CDH12: variants seen among roughly 807,000 people sequenced by gnomAD.
CDH12 encodes the protein cadherin 12.
In CDH12, 41 loss-of-function variants were observed where a neutral mutation model predicts 74.1. The ratio of observed to expected loss-of-function variants is 0.55; its 90% CI spans 0.43 to 0.72. The LOEUF (loss-of-function observed/expected upper bound fraction) is 0.72, where lower values mean the gene tolerates loss of function less well. CDH12 is among the 30% of genes least tolerant of loss of function. The pLI is 0.00. For synonymous variants in CDH12, 399 were observed against 355.0 expected (o/e 1.12, Z -1.39); for missense variants, 945 against 977.2 (o/e 0.97, Z 0.44).
intron 3 of CDH12, among the ~76,000 whole-genome samples, chr5:22,355,900 G>C (rs1210048864): frequency 6.6e-6 from 1 of 152,106 alleles, no homozygotes; most frequent in Non-Finnish European, 1.5e-5. Context: ...ACATATAAAG[G>C]CACAGAAATA....
chr5:22,117,501 A>AAT (rs1200950858), intron 4 of CDH12, among the ~76,000 whole-genome samples: 18 of 70,854 alleles, frequency 2.5e-4, no homozygotes, highest in East Asian at 1.6e-3. Context: ...ATATATATAT[A>AAT]ATATATATAT....
intron 8 of CDH12, among the ~76,000 whole-genome samples, chr5:21,830,024 C>G (rs1004941646): frequency 6.6e-6 from 1 of 151,524 alleles, no homozygotes; most frequent in Admixed American, 6.6e-5. Context: ...CATGGTGAAA[C>G]CCCATCTCTA....
chr5:21,841,962 A>T (rs1749882994), intron 8 of CDH12, among the ~76,000 whole-genome samples, 199 bp downstream of exon 8: 1 of 151,748 alleles, frequency 6.6e-6, no homozygotes, highest in African/African-American at 2.4e-5. Context: ...TACATATGTA[A>T]CTAACCTGCA....
intron 5 of CDH12, among the ~76,000 whole-genome samples, chr5:22,028,328 T>C (rs1351893639): frequency 6.6e-6 from 1 of 152,166 alleles, no homozygotes; most frequent in African/African-American, 2.4e-5. Flanking sequence ...ATTGTCCCTG[T>C]TTGCAGATGA....
chr5:22,349,368 T>A (rs1231204139), intron 3 of CDH12, among the ~76,000 whole-genome samples: 1 of 152,212 alleles, frequency 6.6e-6, no homozygotes, highest in Non-Finnish European at 1.5e-5. Context: ...AGATTATACC[T>A]AAATTTTTAT....
At chr5:21,902,480 C>T (rs2150055250) in intron 6 of CDH12, among the ~76,000 whole-genome samples, 1 of 152,064 alleles carries the variant, frequency 6.6e-6, no homozygotes, top group East Asian at 1.9e-4. Context: ...AATGCAGAAT[C>T]CATGGTTTAA....
chr5:22,316,791 T>G (rs983023373), intron 3 of CDH12, among the ~76,000 whole-genome samples: 2 of 152,150 alleles, frequency 1.3e-5, no homozygotes, highest in Admixed American at 1.3e-4. Flanking sequence ...TTTAATACTA[T>G]AATGATATAT....
At chr5:22,375,141 G>A (rs1450465117) in intron 3 of CDH12, among the ~76,000 whole-genome samples, 1 of 152,026 alleles carries the variant, frequency 6.6e-6, no homozygotes, top group Admixed American at 6.6e-5. Context: ...TCCAGAAATA[G>A]ATCCAAGTAT....
rs1185641543 is a variant in CDH12 at position 22,267,641 on chromosome 5, A to G, written c.-332-54998T>C. Among the ~76,000 whole-genome samples the G allele has an allele frequency of 2.0e-5, 3 of 152,148 alleles. 1 individual carries two copies. In the East Asian group the frequency reaches 5.8e-4, roughly 29 times the overall value. On this transcript the variant is annotated intron_variant, in intron 3 of 14. Transcript: ENST00000382254. ...TATCATGCTCCAGAAAAAAATTCTG[A>G]TGGATGTTGACCAATTCTAGTGGTC...
intron 10 of CDH12, among the ~76,000 whole-genome samples, chr5:21,801,647 TCTAA>T (rs1176587894): frequency 3.3e-5 from 5 of 152,222 alleles, no homozygotes; most frequent in Non-Finnish European, 5.9e-5. Flanking sequence ...TAGGACTGAC[TCTAA>T]CTGTGTCTCT....
intron 7 of CDH12, among the ~76,000 whole-genome samples, chr5:21,847,949 C>T (rs1750266623): frequency 1.3e-5 from 2 of 152,168 alleles, no homozygotes; most frequent in South Asian, 4.1e-4. Flanking sequence ...CTTTCTTCTT[C>T]CCTGGAAAAT....
chr5:22,247,839 T>C (rs937185639), intron 3 of CDH12, among the ~76,000 whole-genome samples: 1 of 152,166 alleles, frequency 6.6e-6, no homozygotes, highest in Admixed American at 6.6e-5. Flanking sequence ...CATGTAAACA[T>C]ATCCAGTTCT....
intron 1 of CDH12, among the ~76,000 whole-genome samples, chr5:22,843,442 A>C (rs1737166215): frequency 6.6e-6 from 1 of 152,144 alleles, no homozygotes; most frequent in Non-Finnish European, 1.5e-5. Context: ...TCATAGAGCC[A>C]GAAAAAATGA....
intron 2 of CDH12, among the ~76,000 whole-genome samples, chr5:22,495,717 A>G (rs429264): frequency 0.94 from 142,950 of 152,180 alleles, 67,233 homozygotes; most frequent in Admixed American, 0.97. Flanking sequence ...AATATAAGAA[A>G]AAATAAACTT....
chr5:22,056,471 G>A (rs139166488), intron 5 of CDH12, among the ~76,000 whole-genome samples: 399 of 152,214 alleles, frequency 2.6e-3, no homozygotes, highest in Non-Finnish European at 3.7e-3. Context: ...AGGAGAGCTT[G>A]GAACATGAGC....
At chr5:22,643,091 C>A (rs187763566) in intron 1 of CDH12, among the ~76,000 whole-genome samples, 5 of 152,218 alleles carry the variant, frequency 3.3e-5, no homozygotes, top group Admixed American at 3.3e-4. Context: ...CACAGAGATA[C>A]CTGACTCTCC....
intron 4 of CDH12, among the ~76,000 whole-genome samples, chr5:22,165,314 G>A (rs1031992494): frequency 1.3e-5 from 2 of 152,092 alleles, no homozygotes; most frequent in East Asian, 1.9e-4. Context: ...CACTAGCCTC[G>A]TAGATGTTCT....
At chr5:22,366,230 T>G (rs1741025874) in intron 3 of CDH12, among the ~76,000 whole-genome samples, 1 of 152,246 alleles carries the variant, frequency 6.6e-6, no homozygotes, top group East Asian at 1.9e-4. Context: ...GTGCTGGGAT[T>G]AAAAGCGTGA....
chr5:22,450,149 T>A (rs879507161), intron 2 of CDH12, among the ~76,000 whole-genome samples: 86 of 152,124 alleles, frequency 5.7e-4, no homozygotes, highest in Middle Eastern at 3.4e-3. Flanking sequence ...TTAATCTATA[T>A]TATAGCTCAT....
Sources: gnomAD v4.1 joint callset for allele counts (sites outside exome capture counted in the v4.1 genomes callset) on GRCh38, gnomAD v4.1.1 for gene constraint, MANE v1.5 for transcripts, NCBI Gene and HGNC (gene_info 2026-07-23, HGNC 2026-07-21) for gene names.